Variants in EDA observed in about 807,000 individuals in gnomAD.
The protein encoded by EDA is ectodysplasin-A.
In EDA, 2 loss-of-function variants were observed where a neutral mutation model predicts 23.6. The ratio of observed to expected loss-of-function variants is 0.08; its 90% CI spans 0.03 to 0.27. The LOEUF (loss-of-function observed/expected upper bound fraction) is 0.27, where lower values mean the gene tolerates loss of function less well. EDA is among the 10% of genes least tolerant of loss of function. The pLI is 1.00. For missense variants in EDA, 229 were observed against 324.2 expected, an observed-to-expected ratio of 0.71 and a Z score of 2.26; for synonymous variants, 131 against 132.0, an observed-to-expected ratio of 0.99 and a Z score of 0.05.
chrX:69,635,911 T>C (rs1293436305), intron 1 of EDA, among the ~76,000 whole-genome samples: 1 of 110,682 alleles, frequency 9.0e-6, no homozygotes, highest in Non-Finnish European at 1.9e-5. Context: ...TTAGTTTAAC[T>C]TCTACTTTTT....
intron 1 of EDA, among the ~76,000 whole-genome samples, chrX:69,712,138 G>A (rs1243696829): frequency 1.1e-4 from 12 of 110,416 alleles, no homozygotes; most frequent in East Asian, 5.7e-4. Context: ...ATTTAGTGCT[G>A]TAAATTTCCC....
chrX:69,683,525 C>G (rs1384708693), intron 1 of EDA, among the ~76,000 whole-genome samples: 1 of 111,544 alleles, frequency 9.0e-6, no homozygotes, highest in Admixed American at 9.6e-5. Flanking sequence ...AGTTTAATCT[C>G]TCATTTCTTT....
intron 1 of EDA, among the ~76,000 whole-genome samples, chrX:69,618,850 A>G (rs1318789285): frequency 9.0e-6 from 1 of 110,744 alleles, no homozygotes; most frequent in Non-Finnish European, 1.9e-5. Flanking sequence ...CCCAAATTCA[A>G]CTTGTTTATT....
At chrX:70,035,295 G>A (rs1419317852) in intron 7 of EDA, 63 bp from the exon 8 acceptor site, 5 of 1,155,800 alleles carry the variant, frequency 4.3e-6, no homozygotes, top group Non-Finnish European at 5.8e-6. Context: ...ATTCACCACA[G>A]GGAGGGCCCC....
rs374992916 is a variant in EDA at position 69,676,522 on chromosome X, G to C, written c.396+59818G>C. 1.2e-3 allele frequency among the ~76,000 whole-genome samples: 126 copies of C among 107,847 alleles called. 1 individual carries two copies. Among genetic ancestry groups the C allele is most frequent in the Non-Finnish European group, 1.8e-3 (91 of 51,323 alleles). 93.7% of individuals were successfully genotyped at this position (107,847 alleles called of 115,157 possible). A position where few individuals can be genotyped will look rare whatever the true frequency, so the allele number is the denominator to read the frequency against. On this transcript the variant is annotated intron_variant, in intron 1 of 7. Transcript: ENST00000374552. ...TGTGTGCGCGCGCGCACGTGTGCTTGTGTGTGTGTGTGTGTGTAATCTCTA... is the reference window on the plus strand; with the variant it reads ...TGTGTGCGCGCGCGCACGTGTGCTTCTGTGTGTGTGTGTGTGTAATCTCTA...
At chrX:69,836,906 G>A (rs5936510) in intron 1 of EDA, among the ~76,000 whole-genome samples, 25,999 of 111,644 alleles carry the variant, frequency 0.23, 2,333 homozygotes, top group African/African-American at 0.31. Context: ...CTAACTCTTA[G>A]TGTATTATGA....
intron 2 of EDA, among the ~76,000 whole-genome samples, chrX:69,978,137 A>G (rs1465129163): frequency 1.8e-5 from 2 of 108,282 alleles, no homozygotes; most frequent in Non-Finnish European, 3.8e-5. Flanking sequence ...TATTTGAAAG[A>G]ATTATATTAG....
At chrX:69,631,502 A>C (rs1932587513) in intron 1 of EDA, among the ~76,000 whole-genome samples, 1 of 109,972 alleles carries the variant, frequency 9.1e-6, no homozygotes, top group African/African-American at 3.3e-5. Context: ...CAAGACCTAC[A>C]TCAGTGTTGG....
chrX:69,918,446 C>T (rs1370000742), intron 1 of EDA, among the ~76,000 whole-genome samples: 1 of 111,782 alleles, frequency 8.9e-6, no homozygotes, highest in Non-Finnish European at 1.9e-5. Context: ...TGTGAACCAC[C>T]GTGCCCGGCC....
intron 1 of EDA, among the ~76,000 whole-genome samples, chrX:69,719,438 C>T (rs775691970): frequency 2.0e-4 from 22 of 110,450 alleles, no homozygotes; most frequent in Non-Finnish European, 3.8e-4. Context: ...TTTTAGTGTA[C>T]CTGTCACCTG....
intron 3 of EDA, among the ~76,000 whole-genome samples, 172 bp from the exon 4 acceptor site, chrX:70,027,685 C>T (rs771728247): frequency 1.1e-4 from 12 of 110,556 alleles, no homozygotes; most frequent in Non-Finnish European, 1.7e-4. Flanking sequence ...TAGCAGGTCG[C>T]GGTGGCACGC....
intron 1 of EDA, among the ~76,000 whole-genome samples, chrX:69,752,826 T>G (rs1262569938): frequency 8.9e-6 from 1 of 112,056 alleles, no homozygotes; most frequent in African/African-American, 3.2e-5. Flanking sequence ...TGTTGAGGAA[T>G]TTATCCATTT....
At chrX:69,670,183 G>GTTTTTTTTTTTTT (rs544601085) in intron 1 of EDA, 15 of 236,447 alleles carry the variant, frequency 6.3e-5, no homozygotes, top group Non-Finnish European at 8.3e-5. Flanking sequence ...TTGGCTGACT[G>GTTTTTTTTTTTTT]TTTTTTTTTT....
In EDA at chrX:69,616,194, G is replaced by T; in HGVS notation, c.-115G>T. ...GCCCAGCCACTGTCGCGCAGGAACG[G>T]GTCCCTGCAGCCCCCAGCCGATGGC... On this transcript the variant is annotated 5_prime_UTR_variant, in exon 1 of 8. Coordinates refer to ENST00000374552, the MANE Select transcript of EDA (RefSeq NM_001399.5). 1.1e-6 allele frequency: 1 copy of T among 910,775 alleles called. No homozygotes were observed. The highest frequency in any genetic ancestry group is 1.5e-6 in the Non-Finnish European group (1 of 663,789). The allele number at this position is 910,775 out of a possible 1,213,427, so 75.1% of individuals were successfully genotyped here. A position where few individuals can be genotyped will look rare whatever the true frequency, so the allele number is the denominator to read the frequency against.
rs750941892 is a variant in EDA, at chrX:70,020,490, CAG to C, written c.503-2725_503-2724del. Among the ~76,000 whole-genome samples, 9 of 108,885 alleles carry C rather than the reference CAG, an allele frequency of 8.3e-5. No homozygotes were observed. The East Asian group carries it at 1.4e-3, about 17-fold the overall frequency. 94.6% of individuals were successfully genotyped at this position (108,885 alleles called of 115,157 possible). A position where few individuals can be genotyped will look rare whatever the true frequency, so the allele number is the denominator to read the frequency against. On this transcript the variant is annotated intron_variant, in intron 2 of 7. Coordinates refer to ENST00000374552, the MANE Select transcript of EDA (RefSeq NM_001399.5). Reference sequence around the variant, plus strand: ...AGGAGAATGGCGTGAACCCGGGAGGCAGAGTTTGCAGTGAGCCAAGATCGCAC... The same window carrying C: ...AGGAGAATGGCGTGAACCCGGGAGGCAGTTTGCAGTGAGCCAAGATCGCAC...
At chrX:69,616,731 G>A in intron 1 of EDA, 27 bp downstream of exon 1, 1 of 1,210,764 alleles carries the variant, frequency 8.3e-7, no homozygotes, top group Non-Finnish European at 1.1e-6. Context: ...GGGCGGCGGC[G>A]GCCCCCTCCC....
intron 1 of EDA, among the ~76,000 whole-genome samples, chrX:69,742,784 A>G (rs752703250): frequency 2.2e-4 from 24 of 110,786 alleles, no homozygotes; most frequent in African/African-American, 7.9e-4. Flanking sequence ...ACTTCTATGC[A>G]GTAAACTAGG....
At chrX:69,736,292 C>T (rs753361933) in intron 1 of EDA, among the ~76,000 whole-genome samples, 1 of 110,749 alleles carries the variant, frequency 9.0e-6, no homozygotes, top group Non-Finnish European at 1.9e-5. Flanking sequence ...GCAACAAGAG[C>T]GAAACTCCGT....
rs147661540 is a variant in EDA at position 69,765,027 on chromosome X, T to C, written c.396+148323T>C. 5.6e-3 allele frequency among the ~76,000 whole-genome samples: 632 copies of C among 112,225 alleles called. 16 individuals carry two copies. The highest frequency in any genetic ancestry group is 0.053 in the Admixed American group (559 of 10,595). On this transcript the variant is annotated intron_variant, in intron 1 of 7. Coordinates refer to ENST00000374552, the MANE Select transcript of EDA (RefSeq NM_001399.5). ...ATTAGTGCTTTGGAACAATGATTCT[T>C]AAACTGTTTAGCTTCTGAAGGAAAT...
Sources: allele counts gnomAD v4.1 joint callset (sites outside exome capture counted in the v4.1 genomes callset), GRCh38; gene constraint gnomAD v4.1.1; transcripts MANE v1.5; gene names NCBI Gene and HGNC (gene_info 2026-07-23, HGNC 2026-07-21).